Variants in WLS observed in about 807,000 individuals in gnomAD.
WLS encodes the protein protein wntless homolog.
In WLS, 23 loss-of-function variants were observed where a neutral mutation model predicts 62.8. That is an observed-to-expected ratio of 0.37 (90% CI 0.26 to 0.52). The LOEUF (loss-of-function observed/expected upper bound fraction) is 0.52. Among genes scored for constraint, WLS ranks in the 20% least tolerant of loss-of-function variants. The probability of loss-of-function intolerance (pLI) is 0.92; values close to 1 mark genes in which losing one functional copy is unlikely to be tolerated. For missense variants in WLS, 615 were observed against 697.3 expected, an observed-to-expected ratio of 0.88 and a Z score of 1.33; for synonymous variants, 246 against 244.1, an observed-to-expected ratio of 1.01 and a Z score of -0.07.
At chr1:68,110,692 C>CTCTCTCT (rs1646216637) in intron 11 of WLS, among the ~76,000 whole-genome samples, 1 of 138,384 alleles carries the variant, frequency 7.2e-6, no homozygotes, top group African/African-American at 2.9e-5. Context: ...TCTCTCTCTC[C>CTCTCTCT]ATATATATAT....
rs114218488 is a variant in WLS, at chr1:68,118,023, T to C, written c.1511-19270A>G. ...TAGAAAAAATGTGGGTGACCTATTA[T>C]CTTAGGGGATATTTCTTTAAGCATG... On this transcript the variant is annotated intron_variant, in intron 11 of 11. Coordinates refer to the WLS transcript ENST00000354777. Among the ~76,000 whole-genome samples, 543 of 150,588 alleles carry C rather than the reference T, an allele frequency of 3.6e-3. 6 individuals carry two copies. The highest frequency in any genetic ancestry group is 0.013 in the African/African-American group (526 of 41,152).
At chr1:68,225,280 T>G (rs755278518) in intron 1 of WLS, among the ~76,000 whole-genome samples, 1 of 152,106 alleles carries the variant, frequency 6.6e-6, no homozygotes, top group Non-Finnish European at 1.5e-5. Flanking sequence ...TCCTTTTAGA[T>G]TCATCATTTT....
intron 1 of WLS, among the ~76,000 whole-genome samples, chr1:68,199,822 C>T (rs542565964): frequency 3.3e-5 from 5 of 152,104 alleles, no homozygotes; most frequent in Non-Finnish European, 7.4e-5. Context: ...AAGGCCAGAC[C>T]AGAGATCTGC....
intron 3 of WLS, 31 bp from the exon 4 acceptor site, chr1:68,155,291 G>T (rs766212534): frequency 6.3e-6 from 10 of 1,591,860 alleles, no homozygotes; most frequent in Non-Finnish European, 8.6e-6. Context: ...TTGAGGCAGG[G>T]TCACTATTTC....
At chr1:68,106,840 C>T (rs561612482) in intron 11 of WLS, among the ~76,000 whole-genome samples, 1 of 152,224 alleles carries the variant, frequency 6.6e-6, no homozygotes, top group South Asian at 2.1e-4. Context: ...AACACGAGAT[C>T]AGTTCCTCAG....
chr1:68,100,851 C>G (rs1646067504), intron 11 of WLS: 1 of 152,188 alleles, frequency 6.6e-6, no homozygotes, highest in African/African-American at 2.4e-5. Flanking sequence ...TTCTTTCACT[C>G]TAGCAGTTAA....
chr1:68,177,469 CT>C (rs1456820907), intron 2 of WLS, among the ~76,000 whole-genome samples: 1 of 152,156 alleles, frequency 6.6e-6, no homozygotes, highest in Non-Finnish European at 1.5e-5. Flanking sequence ...CTTCTATGCT[CT>C]CTCTGGAACA....
At chr1:68,146,103 T>G in intron 8 of WLS, 91 bp from the exon 9 acceptor site, 1 of 1,439,890 alleles carries the variant, frequency 6.9e-7, no homozygotes. Flanking sequence ...TGGCAATACT[T>G]GTTTTGTCTC....
chr1:68,164,418 C>T (rs1214238831), intron 2 of WLS, among the ~76,000 whole-genome samples: 2 of 152,066 alleles, frequency 1.3e-5, no homozygotes, highest in South Asian at 2.1e-4. Context: ...ACCACCATGC[C>T]TGGCTAATTT....
chr1:68,109,152 G>A (rs1646186808), intron 11 of WLS, among the ~76,000 whole-genome samples: 1 of 152,022 alleles, frequency 6.6e-6, no homozygotes, highest in Non-Finnish European at 1.5e-5. Context: ...TTGCCCTGCT[G>A]GCAAATGCTG....
intron 11 of WLS, among the ~76,000 whole-genome samples, chr1:68,131,809 G>C (rs901192527): frequency 1.3e-5 from 2 of 152,120 alleles, no homozygotes; most frequent in Non-Finnish European, 2.9e-5. Context: ...ATTGGGGATG[G>C]GCCCTACTCC....
downstream of WLS, among the ~76,000 whole-genome samples, chr1:68,122,894 T>C (rs1174979024): frequency 2.6e-5 from 4 of 152,142 alleles, no homozygotes; most frequent in Non-Finnish European, 5.9e-5. Flanking sequence ...GGACCTCAAG[T>C]TTCTCCTCCA....
chr1:68,137,743 T>G, intron 11 of WLS, 37 bp downstream of exon 11: 1 of 1,591,304 alleles, frequency 6.3e-7, no homozygotes, highest in Non-Finnish European at 8.6e-7. Context: ...AGCCTATTTA[T>G]CCTGACTTAA....
rs760412732 is a variant in WLS, at chr1:68,155,197, C to A, written c.568G>T (p.Val190Leu). 6.2e-7 allele frequency: 1 copy of A among 1,613,968 alleles called. No homozygotes were observed. ...DVLPFMEIGS[V>L]AHKFYLLNIR... ...TTTAAAAGGTAAAACTTATGGGCCA[C>A]AGACCCAATTTCCATGAAAGGAAGG... Residue 190 changes from valine to leucine, a missense_variant, in exon 4 of 12, where the codon GTG becomes TTG. Val to Leu is a conservative substitution (Grantham distance 32). Transcript: ENST00000262348.
intron 1 of WLS, among the ~76,000 whole-genome samples, chr1:68,208,354 G>GCC (rs139877906): frequency 2.0e-5 from 3 of 151,966 alleles, no homozygotes; most frequent in African/African-American, 7.3e-5. Context: ...CCCCTCACCT[G>GCC]CCCCCCGATG....
chr1:68,106,728 G>A (rs9436369), intron 11 of WLS, among the ~76,000 whole-genome samples: 24 of 63,556 alleles, frequency 3.8e-4, no homozygotes, highest in Non-Finnish European at 5.1e-4. Flanking sequence ...GTGTGTGTGT[G>A]TGTGTGTGTG....
chr1:68,162,766 T>C, intron 2 of WLS: 1 of 1,090,258 alleles, frequency 9.2e-7, no homozygotes, highest in Non-Finnish European at 1.4e-6. Flanking sequence ...GTCCACGTTA[T>C]CGTAGCCACT....
At chr1:68,155,398 T>C (rs576433036) in intron 3 of WLS, 138 bp from the exon 4 acceptor site, 4 of 1,041,448 alleles carry the variant, frequency 3.8e-6, no homozygotes, top group Admixed American at 6.9e-5. Flanking sequence ...AGAGTAACAA[T>C]GCATACTGGA....
intron 1 of WLS, chr1:68,228,270 A>T (rs1288680074): frequency 6.8e-6 from 3 of 443,634 alleles, no homozygotes; most frequent in African/African-American, 6.0e-5. Context: ...AAACAATGCA[A>T]CAATTTTCTA....
Sources: gnomAD v4.1 joint callset for allele counts (sites outside exome capture counted in the v4.1 genomes callset) on GRCh38, gnomAD v4.1.1 for gene constraint, MANE v1.5 for transcripts, NCBI Gene and HGNC (gene_info 2026-07-23, HGNC 2026-07-21) for gene names.